The following NUP50 variants were observed in gnomAD, a reference collection of about 807,000 sequenced individuals.
NUP50 encodes nucleoporin 50.
A neutral mutation model predicts 36.8 loss-of-function variants in NUP50; 14 were observed. That is an observed-to-expected ratio of 0.38 (90% confidence interval 0.25 to 0.59). The LOEUF is 0.59. Among genes scored for constraint, NUP50 ranks in the 20% least tolerant of loss-of-function variants. The pLI is 0.63. For synonymous variants in NUP50, 195 were observed against 210.8 expected, an observed-to-expected ratio of 0.93 and a Z score of 0.65; for missense variants, 455 against 564.6, an observed-to-expected ratio of 0.81 and a Z score of 1.97.
rs1161523750 is a variant in NUP50, at chr22:45,185,099, G to C, written c.*444G>C. 1 of 203,188 alleles carries C rather than the reference G, an allele frequency of 4.9e-6. No individual in the cohort carries two copies. Among genetic ancestry groups the C allele is most frequent in the African/African-American group, 2.4e-5 (1 of 42,172 alleles). 12.6% of individuals were successfully genotyped at this position (203,188 alleles called of 1,614,324 possible). On this transcript the variant is annotated 3_prime_UTR_variant, in exon 8 of 8. Transcript: ENST00000347635. Reference sequence around the variant, plus strand: ...CTTCTCTCCGGTGGGCTCAGCCGACGTGTGAGACTTGTTCTGTTACCAAAT... The same window carrying C: ...CTTCTCTCCGGTGGGCTCAGCCGACCTGTGAGACTTGTTCTGTTACCAAAT...
At chr22:45,181,184 G>T in intron 5 of NUP50, 102 bp from the exon 6 acceptor site, 1 of 466,508 alleles carries the variant, frequency 2.1e-6, no homozygotes, top group Non-Finnish European at 3.7e-6. Flanking sequence ...AGTTTACATG[G>T]AGTGCTCCGG....
chr22:45,167,743 T>G (rs1176475666), intron 1 of NUP50, among the ~76,000 whole-genome samples: 3 of 152,220 alleles, frequency 2.0e-5, no homozygotes, highest in Non-Finnish European at 4.4e-5. Context: ...TGGGTCATCT[T>G]TAAGAGAATT....
intron 2 of NUP50, 116 bp downstream of exon 2, chr22:45,168,362 A>C (rs2074128126): frequency 4.3e-6 from 3 of 698,324 alleles, no homozygotes; most frequent in Non-Finnish European, 7.4e-6. Context: ...GAACATCATG[A>C]ATGGGAGATG....
In NUP50 at chr22:45,173,804, GA is replaced by G. The variant is rs527625085; in HGVS notation, c.154-2089del. On this transcript the variant is annotated intron_variant, in intron 3 of 7. Transcript: ENST00000347635. ...CATAATCTACAACTTAAGCTGAAGGGATGAGGGAAGGAGAGGGCAGGAGCCC... is the reference window on the plus strand; with the variant it reads ...CATAATCTACAACTTAAGCTGAAGGGTGAGGGAAGGAGAGGGCAGGAGCCC... Among the ~76,000 whole-genome samples the G allele has an allele frequency of 3.0e-4, 46 of 152,332 alleles. 1 individual carries two copies. The South Asian group carries it at 9.3e-3, about 31-fold the overall frequency.
At chr22:45,165,151 G>A (rs1397705119) in intron 1 of NUP50, among the ~76,000 whole-genome samples, 1 of 152,214 alleles carries the variant, frequency 6.6e-6, no homozygotes, top group Admixed American at 6.5e-5. Context: ...AGTTTACCTA[G>A]ACTTTCAGTC....
chr22:45,178,611 T>C lies in NUP50; in HGVS notation c.714T>C (p.Phe238=), dbSNP rs2074315141. ...TKLQQESTFL[F]HGNKTEDTPD... ...TACAGCAAGAGTCAACGTTTTTGTT[T>C]CATGGCAACAAAACTGAAGATACAC... Residue 238 remains phenylalanine (F), a synonymous_variant, in exon 5 of 8, where the codon TTT becomes TTC. Coordinates refer to ENST00000347635, the MANE Select transcript of NUP50 (RefSeq NM_007172.4). 41 of 1,612,022 alleles carry C rather than the reference T, an allele frequency of 2.5e-5. No individual in the cohort carries two copies. Among genetic ancestry groups the C allele is most frequent in the Non-Finnish European group, 3.4e-5 (40 of 1,179,860 alleles).
chr22:45,168,136 A>G (rs993098520), intron 1 of NUP50, 32 bp from the exon 2 acceptor site: 1 of 1,489,284 alleles, frequency 6.7e-7, no homozygotes, highest in Non-Finnish European at 9.2e-7. Flanking sequence ...ATTCTTCTAG[A>G]AAAATAAACT....
rs749669968 is a variant in NUP50 at position 45,183,459 on chromosome 22, G to A, written c.1143G>A (p.Leu381=). 2 of 1,612,088 alleles carry A rather than the reference G, an allele frequency of 1.2e-6. No homozygotes were observed. Among genetic ancestry groups the A allele is most frequent in the East Asian group, 2.2e-5 (1 of 44,866 alleles). ...TTAAAGAGAAAGGCATAGGTACTCT[G>A]CATTTAAAACCTACAGCAAATCAGA... ...NEFKEKGIGT[L]HLKPTANQKT... The change falls in exon 7 of 8, where the codon CTG becomes CTA. Residue 381 remains leucine, a synonymous_variant. Coordinates refer to ENST00000347635, the MANE Select transcript of NUP50 (RefSeq NM_007172.4).
chr22:45,167,090 ACT>A (rs1295536630), intron 1 of NUP50, among the ~76,000 whole-genome samples: 2 of 152,074 alleles, frequency 1.3e-5, no homozygotes, highest in Non-Finnish European at 2.9e-5. Context: ...GTTGTAATAC[ACT>A]CTGTATTACA....
At chr22:45,175,753 G>A (rs1333929535) in intron 3 of NUP50, 141 bp from the exon 4 acceptor site, 2 of 609,506 alleles carry the variant, frequency 3.3e-6, no homozygotes, top group Admixed American at 6.6e-5. Flanking sequence ...TCTTATTTCT[G>A]CTTGTGCCAG....
At chr22:45,166,452 A>T (rs1369361193) in intron 1 of NUP50, 4 of 151,612 alleles carry the variant, frequency 2.6e-5, no homozygotes, top group Non-Finnish European at 4.4e-5. Flanking sequence ...ACGCCCAGCT[A>T]ATTTTTTTAT....
In NUP50 at chr22:45,187,601, G is replaced by A. The variant is rs1237026069; in HGVS notation, c.*2946G>A. The A allele has an allele frequency of 3.9e-5, 6 of 152,188 alleles. No individual in the cohort carries two copies. Among genetic ancestry groups the A allele is most frequent in the Non-Finnish European group, 5.9e-5 (4 of 68,044 alleles). 9.4% of individuals were successfully genotyped at this position (152,188 alleles called of 1,614,324 possible). ...TTCAGAAGAGTCAAAATTCAAGCAC[G>A]ATACATTTTGAAGGCTTTGCAAACT... On this transcript the variant is annotated 3_prime_UTR_variant, in exon 8 of 8. Transcript: ENST00000347635.
At chr22:45,171,554 CTGTT>C in intron 2 of NUP50, 42 bp from the exon 3 acceptor site, 1 of 1,494,048 alleles carries the variant, frequency 6.7e-7, no homozygotes, top group African/African-American at 1.4e-5. Flanking sequence ...ATTTTGTCAT[CTGTT>C]TGGCTTTATC....
intron 5 of NUP50, chr22:45,180,295 G>C (rs1361157767): frequency 6.7e-6 from 1 of 148,346 alleles, no homozygotes; most frequent in African/African-American, 2.4e-5. Context: ...GAGCATCACA[G>C]TTGTTTTTCT....
At chr22:45,175,697 T>G in intron 3 of NUP50, 197 bp from the exon 4 acceptor site, 1 of 484,272 alleles carries the variant, frequency 2.1e-6, no homozygotes. Context: ...GAAAGCAGCT[T>G]TGGGTTGCAA....
rs552145719 is a variant in NUP50 at position 45,164,277 on chromosome 22, C to T, written c.-30C>T. ...CGCCGCAACCAAGACCCAGCGAGTG[C>T]AGCGGCGGCCGCCGAGGAGGTGAGG... On this transcript the variant is annotated 5_prime_UTR_variant, in exon 1 of 8. Coordinates refer to ENST00000347635, the MANE Select transcript of NUP50 (RefSeq NM_007172.4). 4.2e-3 allele frequency: 636 copies of T among 152,808 alleles called. 2 individuals are homozygous for T. Among genetic ancestry groups the T allele is most frequent in the Non-Finnish European group, 7.1e-3 (485 of 68,464 alleles). The allele number at this position is 152,808 out of a possible 1,614,324, so 9.5% of individuals were successfully genotyped here. A position where few individuals can be genotyped will look rare whatever the true frequency, so the allele number is the denominator to read the frequency against.
intron 3 of NUP50, among the ~76,000 whole-genome samples, chr22:45,174,461 G>A (rs2074246920): frequency 6.6e-6 from 1 of 152,172 alleles, no homozygotes; most frequent in African/African-American, 2.4e-5. Context: ...ATAGGCATGA[G>A]CCACCACACC....
intron 4 of NUP50, among the ~76,000 whole-genome samples, chr22:45,177,022 G>A (rs556177600): frequency 1.3e-5 from 2 of 152,232 alleles, no homozygotes; most frequent in African/African-American, 2.4e-5. Flanking sequence ...TTACATCCGC[G>A]AGCCACTGTG....
In NUP50 at chr22:45,184,432, GTT is replaced by G. The variant is rs756007150; in HGVS notation, c.1205-18_1205-17del. Reference sequence around the variant, plus strand: ...GCTATAGCTTCTATAATTTTGATGGGTTTTGTTTGTTTGAATGCAGGCAACAT... The same window carrying G: ...GCTATAGCTTCTATAATTTTGATGGGTTGTTTGTTTGAATGCAGGCAACAT... On this transcript the variant is annotated intron_variant, in intron 7 of 7. Transcript: ENST00000347635. The G allele has an allele frequency of 6.8e-6, 11 of 1,611,110 alleles. No homozygotes were observed. The highest frequency in any genetic ancestry group is 4.2e-6 in the Non-Finnish European group (5 of 1,177,556).
Sources: gnomAD v4.1 joint callset for allele counts (sites outside exome capture counted in the v4.1 genomes callset) on GRCh38, gnomAD v4.1.1 for gene constraint, MANE v1.5 for transcripts, NCBI Gene and HGNC (gene_info 2026-07-23, HGNC 2026-07-21) for gene names.